MAN2A1: variants seen among roughly 807,000 people sequenced by gnomAD.
MAN2A1 encodes the protein mannosidase alpha class 2A member 1.
MAN2A1 carries 76 observed loss-of-function variants against 142.6 expected under a neutral mutation model. The ratio of observed to expected loss-of-function variants is 0.53; its 90% CI spans 0.44 to 0.65. MAN2A1 has a LOEUF of 0.65. Among genes scored for constraint, MAN2A1 ranks in the 30% least tolerant of loss-of-function variants. The pLI, the probability that MAN2A1 is intolerant of heterozygous loss-of-function variation, is 0.00. For synonymous variants in MAN2A1, 559 were observed against 473.2 expected (o/e 1.18, Z -2.35); for missense variants, 1,311 against 1,365.1 (o/e 0.96, Z 0.62).
At chr5:109,704,114 A>C (rs1751062286) in intron 1 of MAN2A1, among the ~76,000 whole-genome samples, 1 of 152,186 alleles carries the variant, frequency 6.6e-6, no homozygotes, top group Non-Finnish European at 1.5e-5. Context: ...GCAGCTACTA[A>C]GTTGGTGGCC....
At chr5:109,801,890 A>G (rs1174195500) in intron 12 of MAN2A1, among the ~76,000 whole-genome samples, 3 of 152,238 alleles carry the variant, frequency 2.0e-5, no homozygotes, top group African/African-American at 7.2e-5. Flanking sequence ...ATAAGAGCAT[A>G]TATATACAAT....
chr5:109,693,458 G>T, intron 1 of MAN2A1, among the ~76,000 whole-genome samples: 1 of 151,544 alleles, frequency 6.6e-6, no homozygotes, highest in African/African-American at 2.4e-5. Context: ...ATAGGTATTG[G>T]GTTCCTCTAA....
At chr5:109,770,956 C>G (rs1035259132) in intron 7 of MAN2A1, among the ~76,000 whole-genome samples, 1 of 152,208 alleles carries the variant, frequency 6.6e-6, no homozygotes, top group African/African-American at 2.4e-5. Flanking sequence ...GTGTAATTAT[C>G]TGTTCCCTTA....
At chr5:109,818,379 A>T (rs1024896919) in intron 13 of MAN2A1, among the ~76,000 whole-genome samples, 2 of 152,022 alleles carry the variant, frequency 1.3e-5, no homozygotes, top group African/African-American at 4.8e-5. Flanking sequence ...CCCGTGATCC[A>T]CCTTCTAGCT....
intron 3 of MAN2A1, among the ~76,000 whole-genome samples, chr5:109,717,990 A>T (rs149319044): frequency 6.6e-6 from 1 of 152,324 alleles, no homozygotes; most frequent in East Asian, 1.9e-4. Context: ...TTAATGTAGG[A>T]TCTAGATGGC....
chr5:109,843,105 CTG>C (rs1384440328), intron 17 of MAN2A1, among the ~76,000 whole-genome samples: 1 of 152,108 alleles, frequency 6.6e-6, no homozygotes, highest in Non-Finnish European at 1.5e-5. Context: ...TGTGCCCGGT[CTG>C]TTTTTGTATT....
chr5:109,833,427 G>A (rs939395681), intron 16 of MAN2A1, among the ~76,000 whole-genome samples: 1 of 152,182 alleles, frequency 6.6e-6, no homozygotes, highest in Admixed American at 6.5e-5. Flanking sequence ...CGGCACCTCA[G>A]GAGGCCGAGG....
chr5:109,782,678 A>G (rs1317782529), intron 9 of MAN2A1, among the ~76,000 whole-genome samples: 2 of 152,068 alleles, frequency 1.3e-5, no homozygotes, highest in Non-Finnish European at 2.9e-5. Flanking sequence ...GTAGTTTTTT[A>G]TTGTTAATAT....
At chr5:109,774,705 T>G in intron 7 of MAN2A1, 83 bp from the exon 8 acceptor site, 1 of 1,016,594 alleles carries the variant, frequency 9.8e-7, no homozygotes, top group Admixed American at 2.7e-5. Flanking sequence ...AATTTGGTTA[T>G]TTCCTTTTTA....
At chr5:109,779,565 GCACA>G (rs757828449) in intron 8 of MAN2A1, among the ~76,000 whole-genome samples, 87 of 73,222 alleles carry the variant, frequency 1.2e-3, no homozygotes, top group Non-Finnish European at 8.8e-4. Context: ...ACACACGCGT[GCACA>G]CACACACACA....
chr5:109,858,460 C>T (rs1398238428), intron 20 of MAN2A1, among the ~76,000 whole-genome samples: 2 of 152,148 alleles, frequency 1.3e-5, no homozygotes, highest in South Asian at 2.1e-4. Context: ...ACCAAAATGA[C>T]TCAATGAATA....
intron 3 of MAN2A1, among the ~76,000 whole-genome samples, chr5:109,722,891 C>T (rs559749710): frequency 6.6e-6 from 1 of 152,202 alleles, no homozygotes; most frequent in African/African-American, 2.4e-5. Flanking sequence ...TTCAAATAAC[C>T]AAGCTCTGTT....
intron 12 of MAN2A1, among the ~76,000 whole-genome samples, chr5:109,791,735 C>T: frequency 6.6e-6 from 1 of 151,928 alleles, no homozygotes; most frequent in East Asian, 1.9e-4. Context: ...AACAGGTAAA[C>T]AGTTTGTGTG....
chr5:109,737,043 T>G (rs1330257988), intron 4 of MAN2A1, among the ~76,000 whole-genome samples: 1 of 151,790 alleles, frequency 6.6e-6, no homozygotes, highest in Non-Finnish European at 1.5e-5. Context: ...TATACTTTAT[T>G]ATAAACTAGC....
rs144787521 is a variant in MAN2A1 at position 109,701,676 on chromosome 5, G to A, written c.135+11124G>A. Among the ~76,000 whole-genome samples, 252 of 152,316 alleles carry A rather than the reference G, an allele frequency of 1.7e-3. 1 individual carries two copies. The highest frequency in any genetic ancestry group is 5.7e-3 in the African/African-American group (239 of 41,582). ...TTTGAGGTAATATAGACATAAGGCA[G>A]TAAATCCCTGTACCAGTATTGAATT... On this transcript the variant is annotated intron_variant, in intron 1 of 21. Transcript: ENST00000261483.
rs151053415 is a variant in MAN2A1, at chr5:109,817,728, GTAA to G, written c.2109+292_2109+294del. Among the ~76,000 whole-genome samples, 60 of 152,148 alleles carry G rather than the reference GTAA, an allele frequency of 3.9e-4. 1 individual carries two copies. Among genetic ancestry groups the G allele is most frequent in the African/African-American group, 1.1e-3 (45 of 41,510 alleles). The stretch of plus-strand genomic sequence containing the variant: ...AAGGATGCATACTGTTTATTCTAAG[GTAA>G]TGCAGTAATTATTACTCATAAAATT... On this transcript the variant is annotated intron_variant, in intron 13 of 21. Coordinates refer to ENST00000261483, the MANE Select transcript of MAN2A1 (RefSeq NM_002372.4).
chr5:109,747,557 A>G (rs971224279), intron 4 of MAN2A1, among the ~76,000 whole-genome samples: 3 of 152,138 alleles, frequency 2.0e-5, no homozygotes, highest in African/African-American at 4.8e-5. Flanking sequence ...TCTATTTATA[A>G]TCTAATTTTA....
intron 16 of MAN2A1, among the ~76,000 whole-genome samples, chr5:109,826,377 T>C (rs1164216861): frequency 6.6e-6 from 1 of 152,212 alleles, no homozygotes; most frequent in Non-Finnish European, 1.5e-5. Context: ...GAAGCCGTCA[T>C]ATATAAACTG....
chr5:109,824,031 T>G (rs900218586), intron 16 of MAN2A1, among the ~76,000 whole-genome samples, 194 bp downstream of exon 16: 1 of 152,248 alleles, frequency 6.6e-6, no homozygotes, highest in Non-Finnish European at 1.5e-5. Context: ...AATCCCTACA[T>G]ATACATGTTC....
Sources: gnomAD v4.1 joint callset for allele counts (sites outside exome capture counted in the v4.1 genomes callset) on GRCh38, gnomAD v4.1.1 for gene constraint, MANE v1.5 for transcripts, NCBI Gene and HGNC (gene_info 2026-07-23, HGNC 2026-07-21) for gene names.